Variants in RBFOX2 observed in about 807,000 individuals in gnomAD.
RBFOX2 encodes RNA binding fox-1 homolog 2.
RBFOX2 carries 10 observed loss-of-function variants against 49.1 expected under a neutral mutation model. The ratio of observed to expected loss-of-function variants is 0.20; its 90% CI spans 0.13 to 0.35. RBFOX2 has a LOEUF of 0.35. Among genes scored for constraint, RBFOX2 ranks in the 10% least tolerant of loss-of-function variants. RBFOX2 has a pLI of 1.00. For synonymous variants in RBFOX2, 183 were observed against 187.4 expected, an observed-to-expected ratio of 0.98 and a Z score of 0.19; for missense variants, 323 against 486.9, an observed-to-expected ratio of 0.66 and a Z score of 3.17.
chr22:35,841,559 T>C (rs1363784696), upstream of RBFOX2, among the ~76,000 whole-genome samples: 1 of 152,120 alleles, frequency 6.6e-6, no homozygotes, highest in East Asian at 1.9e-4. Flanking sequence ...ATCAGTTGTC[T>C]CATAAAATTA....
intron 1 of RBFOX2, among the ~76,000 whole-genome samples, chr22:35,959,971 C>T (rs548055050): frequency 8.5e-5 from 13 of 152,202 alleles, no homozygotes; most frequent in South Asian, 4.2e-4. Flanking sequence ...GTAAATGCTA[C>T]GTAGTTATTT....
upstream of RBFOX2, among the ~76,000 whole-genome samples, chr22:35,943,588 A>C (rs2053931348): frequency 2.6e-5 from 4 of 152,102 alleles, no homozygotes; most frequent in Admixed American, 2.6e-4. Context: ...AAAAATCCTT[A>C]AGTAACTATC....
intron 1 of RBFOX2, among the ~76,000 whole-genome samples, chr22:35,991,758 C>T (rs1358842503): frequency 1.3e-5 from 2 of 152,080 alleles, no homozygotes; most frequent in African/African-American, 4.8e-5. Flanking sequence ...TGATGTGGAC[C>T]GACTCAGGCT....
chr22:35,909,657 G>C (rs1016374278), intron 1 of RBFOX2, among the ~76,000 whole-genome samples: 1 of 152,228 alleles, frequency 6.6e-6, no homozygotes, highest in African/African-American at 2.4e-5. Context: ...GAGTCCCCCT[G>C]TTGGAGCGAA....
intron 1 of RBFOX2, among the ~76,000 whole-genome samples, chr22:35,824,826 G>T (rs1955294530): frequency 6.6e-6 from 1 of 152,204 alleles, no homozygotes; most frequent in South Asian, 2.1e-4. Flanking sequence ...AGCATAAAAA[G>T]ACATATCTAT....
intron 6 of RBFOX2, among the ~76,000 whole-genome samples, chr22:35,764,469 A>G (rs1265635519): frequency 6.6e-6 from 1 of 151,822 alleles, no homozygotes; most frequent in Non-Finnish European, 1.5e-5. Context: ...CTGTAGTCCC[A>G]GCTACTCGGG....
exon 12 of RBFOX2, chr22:35,743,444 G>C (rs1157503651): frequency 6.6e-6 from 1 of 152,170 alleles, no homozygotes; most frequent in Non-Finnish European, 1.5e-5. Flanking sequence ...TCATACTCCA[G>C]AGTTCATTCT....
upstream of RBFOX2, chr22:35,840,657 TA>T (rs1324790583): frequency 3.1e-6 from 3 of 975,786 alleles, no homozygotes; most frequent in Non-Finnish European, 3.7e-6. Context: ...TGTGTGTGTG[TA>T]GGGGGGAGGA....
chr22:36,007,441 A>C (rs1431060021), intron 1 of RBFOX2, among the ~76,000 whole-genome samples: 2 of 152,058 alleles, frequency 1.3e-5, no homozygotes, highest in Non-Finnish European at 2.9e-5. Flanking sequence ...ACACAACTTG[A>C]CTCATTTCTA....
intron 1 of RBFOX2, among the ~76,000 whole-genome samples, chr22:35,930,228 C>G (rs1038024157): frequency 2.0e-5 from 3 of 151,510 alleles, no homozygotes; most frequent in Non-Finnish European, 4.4e-5. Context: ...CCCATGTTGG[C>G]CAGGCTGGTT....
chr22:35,739,304 A>T (rs1280261109), exon 12 of RBFOX2: 1 of 152,324 alleles, frequency 6.6e-6, no homozygotes, highest in African/African-American at 2.4e-5. Context: ...TGGCATTTTG[A>T]GCCTTGCAAA....
intron 1 of RBFOX2, among the ~76,000 whole-genome samples, chr22:36,025,103 C>T (rs1328364391): frequency 1.3e-5 from 2 of 152,166 alleles, no homozygotes; most frequent in Admixed American, 6.5e-5. Flanking sequence ...CCACTGCGCC[C>T]GGCTAAGATT....
At chr22:35,806,250 T>C (rs1388136895) in intron 2 of RBFOX2, among the ~76,000 whole-genome samples, 1 of 151,966 alleles carries the variant, frequency 6.6e-6, no homozygotes, top group Non-Finnish European at 1.5e-5. Flanking sequence ...GATAAGTCTG[T>C]ACTATCTTCT....
intron 1 of RBFOX2, among the ~76,000 whole-genome samples, chr22:35,925,221 T>A (rs921145142): frequency 9.4e-5 from 14 of 149,516 alleles, no homozygotes; most frequent in South Asian, 2.1e-4. Context: ...TAAAAAAATT[T>A]AAAAAAAAAG....
At chr22:35,964,813 T>C (rs1462611637), upstream of RBFOX2, among the ~76,000 whole-genome samples, 3 of 152,196 alleles carry the variant, frequency 2.0e-5, no homozygotes, top group Non-Finnish European at 4.4e-5. Context: ...AGCCACAACA[T>C]ACACCCTGTT....
At chr22:35,740,802 T>C (rs1246465424) in exon 12 of RBFOX2, 3 of 152,230 alleles carry the variant, frequency 2.0e-5, no homozygotes, top group Admixed American at 6.5e-5. Context: ...GTCTCCCTCA[T>C]GTCTGGAAGC....
chr22:36,021,546 T>C (rs1393230641), intron 1 of RBFOX2, among the ~76,000 whole-genome samples: 1 of 151,780 alleles, frequency 6.6e-6, no homozygotes, highest in Non-Finnish European at 1.5e-5. Flanking sequence ...TGAGCATTAG[T>C]GACCAAAAAA....
chr22:36,028,307 G>C lies in RBFOX2; in HGVS notation c.119C>G (p.Ala40Gly), dbSNP rs763007085. The C allele has an allele frequency of 6.6e-6, 10 of 1,524,700 alleles. No individual in the cohort carries two copies. The South Asian group carries it at 9.6e-5, about 15-fold the overall frequency. The allele number at this position is 1,524,700 out of a possible 1,614,324, so 94.4% of individuals were successfully genotyped here. Residue 40 changes from alanine to glycine, a missense_variant, in exon 1 of 14, where the codon GCC becomes GGC. Ala to Gly is a moderately conservative substitution (Grantham distance 60). Transcript: ENST00000438146. ...CGGCCGCTTGCTCAGGCCGGGATCG[G>C]CTCCGTCTCCTCCCGCTCCGGGCAC...
chr22:35,780,742 TATG>T (rs1569070911), intron 3 of RBFOX2, among the ~76,000 whole-genome samples: 1 of 152,236 alleles, frequency 6.6e-6, no homozygotes, highest in Non-Finnish European at 1.5e-5. Flanking sequence ...TGTTTATAAA[TATG>T]ATATTTAAAT....
Sources: gnomAD v4.1 joint callset for allele counts (sites outside exome capture counted in the v4.1 genomes callset) on GRCh38, gnomAD v4.1.1 for gene constraint, MANE v1.5 for transcripts, NCBI Gene and HGNC (gene_info 2026-07-23, HGNC 2026-07-21) for gene names.